RALGPS1: variants seen among roughly 807,000 people sequenced by gnomAD.
The protein encoded by RALGPS1 is ras-specific guanine nucleotide-releasing factor RalGPS1.
Under a neutral mutation model 78.8 loss-of-function variants are expected in RALGPS1, and 19 were observed. That is an observed-to-expected ratio of 0.24 (90% confidence interval 0.17 to 0.35). RALGPS1 has a LOEUF of 0.35. Among genes scored for constraint, RALGPS1 ranks in the 10% least tolerant of loss-of-function variants. RALGPS1 has a pLI of 1.00. For synonymous variants in RALGPS1, 228 were observed against 256.3 expected (o/e 0.89, Z 1.06); for missense variants, 454 against 688.3 (o/e 0.66, Z 3.81).
chr9:127,141,430 G>T (rs1436283535), intron 8 of RALGPS1, among the ~76,000 whole-genome samples: 2 of 151,954 alleles, frequency 1.3e-5, no homozygotes, highest in Admixed American at 6.6e-5. Context: ...CGCTTTCCTT[G>T]CTCAGAAGCA....
Position 126,962,301 on chromosome 9 carries a change from G to C in RALGPS1, c.12G>C (p.Arg4Ser). Residue 4 changes from arginine (R) to serine (S), a missense_variant, in exon 2 of 19, where the codon AGG becomes AGC. By Grantham distance (110) the Arg-to-Ser change is moderately radical. Coordinates refer to ENST00000259351, the MANE Select transcript of RALGPS1 (RefSeq NM_014636.3). The part of the protein sequence containing the change: MYK[R>S]NGLMASVLVT... ...GTGGCCTGGAGACTATGTACAAGAG[G>C]AATGGTCTGATGGCTAGCGTGTTGG... 1 of 1,614,142 alleles carries C rather than the reference G, an allele frequency of 6.2e-7. No individual in the cohort carries two copies. The highest frequency in any genetic ancestry group is 1.3e-5 in the African/African-American group (1 of 75,036).
intron 8 of RALGPS1, among the ~76,000 whole-genome samples, chr9:127,071,714 C>T (rs1421904274): frequency 2.0e-5 from 3 of 152,148 alleles, no homozygotes; most frequent in Admixed American, 6.5e-5. Flanking sequence ...TTTAAATACT[C>T]CCTATAGTTT....
At chr9:127,110,694 T>C (rs1270609177) in intron 8 of RALGPS1, among the ~76,000 whole-genome samples, 1 of 152,216 alleles carries the variant, frequency 6.6e-6, no homozygotes, top group Non-Finnish European at 1.5e-5. Context: ...TTCATAAATG[T>C]CCACTCTGGT....
At chr9:127,092,412 G>A (rs537616918) in intron 8 of RALGPS1, among the ~76,000 whole-genome samples, 172 of 152,170 alleles carry the variant, frequency 1.1e-3, no homozygotes, top group Non-Finnish European at 1.4e-3. Context: ...ATCCACCGGC[G>A]CTCCCCTCTA....
chr9:126,963,510 A>G (rs954749860), intron 2 of RALGPS1, among the ~76,000 whole-genome samples: 1 of 152,228 alleles, frequency 6.6e-6, no homozygotes, highest in African/African-American at 2.4e-5. Flanking sequence ...TGAGCAAATG[A>G]TGAATACATG....
chr9:126,935,862 C>A (rs903190710), intron 1 of RALGPS1, among the ~76,000 whole-genome samples: 1 of 152,196 alleles, frequency 6.6e-6, no homozygotes, highest in Non-Finnish European at 1.5e-5. Flanking sequence ...GGAGCTCTCT[C>A]CACTGTCTGA....
chr9:127,148,427 A>G (rs1193490428), intron 8 of RALGPS1, among the ~76,000 whole-genome samples: 1 of 152,360 alleles, frequency 6.6e-6, no homozygotes, highest in African/African-American at 2.4e-5. Context: ...GTATCCTGTG[A>G]GCCTAGCACA....
At chr9:127,188,248 G>A (rs10987572) in intron 11 of RALGPS1, among the ~76,000 whole-genome samples, 1 of 151,844 alleles carries the variant, frequency 6.6e-6, no homozygotes, top group African/African-American at 2.4e-5. Context: ...TTTTTTAGTA[G>A]AGACAGGGTT....
At chr9:127,120,277 C>T (rs2055909574) in intron 8 of RALGPS1, among the ~76,000 whole-genome samples, 2 of 152,228 alleles carry the variant, frequency 1.3e-5, no homozygotes, top group African/African-American at 4.8e-5. Flanking sequence ...ATGTGGGAAG[C>T]AGGATGCCCT....
intron 4 of RALGPS1, among the ~76,000 whole-genome samples, chr9:127,015,973 T>C (rs2044781597): frequency 6.6e-6 from 1 of 152,066 alleles, no homozygotes; most frequent in Non-Finnish European, 1.5e-5. Context: ...TCTTTCTTCC[T>C]TTCCTTTCTT....
intron 8 of RALGPS1, among the ~76,000 whole-genome samples, chr9:127,164,285 G>T (rs1018424373): frequency 6.6e-6 from 1 of 152,086 alleles, no homozygotes; most frequent in African/African-American, 2.4e-5. Context: ...GCCCAGGCTG[G>T]AGTGCAGTGG....
chr9:127,169,949 ATGGGT>A (rs2059482483), intron 10 of RALGPS1, among the ~76,000 whole-genome samples: 1 of 152,174 alleles, frequency 6.6e-6, no homozygotes, highest in Admixed American at 6.5e-5. Flanking sequence ...TCAACTTATG[ATGGGT>A]TTATTGGGAT....
chr9:127,149,016 C>A (rs1478771381), intron 8 of RALGPS1, among the ~76,000 whole-genome samples: 1 of 152,234 alleles, frequency 6.6e-6, no homozygotes, highest in African/African-American at 2.4e-5. Flanking sequence ...TCTGTCTACA[C>A]CTCCACATGA....
At chr9:127,003,192 A>C (rs2043509245) in intron 4 of RALGPS1, among the ~76,000 whole-genome samples, 4 of 152,188 alleles carry the variant, frequency 2.6e-5, no homozygotes, top group Admixed American at 2.0e-4. Flanking sequence ...CAAAAGCCAA[A>C]ATTGACAAAT....
At chr9:126,943,504 C>T (rs1310273858) in intron 1 of RALGPS1, among the ~76,000 whole-genome samples, 1 of 152,126 alleles carries the variant, frequency 6.6e-6, no homozygotes, top group Non-Finnish European at 1.5e-5. Flanking sequence ...AATGGGTGGA[C>T]TCCTCTCATT....
chr9:127,131,206 C>T (rs149585591), intron 8 of RALGPS1, among the ~76,000 whole-genome samples: 66 of 152,324 alleles, frequency 4.3e-4, no homozygotes, highest in African/African-American at 1.6e-3. Flanking sequence ...TCATCCCTCT[C>T]CTGATTTGTT....
intron 1 of RALGPS1, among the ~76,000 whole-genome samples, chr9:126,925,715 A>T (rs1285252566): frequency 2.0e-5 from 3 of 152,182 alleles, no homozygotes. Context: ...TTAAAAAAAA[A>T]ATTATAGCAC....
chr9:126,927,326 G>A (rs1276830949), intron 1 of RALGPS1, among the ~76,000 whole-genome samples: 2 of 152,098 alleles, frequency 1.3e-5, no homozygotes, highest in Non-Finnish European at 2.9e-5. Flanking sequence ...AGGTGGAAGT[G>A]GAAGTCAGGG....
intron 4 of RALGPS1, among the ~76,000 whole-genome samples, chr9:127,006,341 G>A (rs764952333): frequency 6.6e-6 from 1 of 152,190 alleles, no homozygotes; most frequent in Non-Finnish European, 1.5e-5. Context: ...GATCCACCTG[G>A]AAAACCCTTG....
Sources: allele counts gnomAD v4.1 joint callset (sites outside exome capture counted in the v4.1 genomes callset), GRCh38; gene constraint gnomAD v4.1.1; transcripts MANE v1.5; gene names NCBI Gene and HGNC (gene_info 2026-07-23, HGNC 2026-07-21).